The following SCAI variants were observed in gnomAD, a reference collection of about 807,000 sequenced individuals.
SCAI encodes the protein suppressor of cancer cell invasion.
In SCAI, 24 loss-of-function variants were observed where a neutral mutation model predicts 92.2. The observed-to-expected ratio is 0.26, with a 90% CI of 0.19 to 0.37. The LOEUF (loss-of-function observed/expected upper bound fraction) is 0.37, where lower values mean the gene tolerates loss of function less well. Ranked by LOEUF, SCAI falls within the 10% of genes least tolerant of loss-of-function variation. SCAI has a pLI of 1.00. For synonymous variants in SCAI, 261 were observed against 258.6 expected, an observed-to-expected ratio of 1.01 and a Z score of -0.09; for missense variants, 450 against 736.2, an observed-to-expected ratio of 0.61 and a Z score of 4.50.
At chr9:124,968,539 C>A in intron 17 of SCAI, 1 of 877,074 alleles carries the variant, frequency 1.1e-6, no homozygotes, top group Non-Finnish European at 2.0e-6. Flanking sequence ...GTTAAGACAC[C>A]ACTCCCAAAG....
At chr9:125,086,532 G>A (rs1238684369) in intron 2 of SCAI, among the ~76,000 whole-genome samples, 5 of 152,166 alleles carry the variant, frequency 3.3e-5, no homozygotes, top group Admixed American at 6.5e-5. Flanking sequence ...GACTATAATC[G>A]GATTGGCCTA....
chr9:125,034,643 G>T (rs1461497150), intron 3 of SCAI, among the ~76,000 whole-genome samples: 1 of 152,194 alleles, frequency 6.6e-6, no homozygotes, highest in East Asian at 1.9e-4. Flanking sequence ...CAGCTATTCA[G>T]GAGGCTGAGA....
intron 3 of SCAI, among the ~76,000 whole-genome samples, chr9:125,043,006 T>C (rs1364441981): frequency 6.6e-6 from 1 of 151,346 alleles, no homozygotes; most frequent in Non-Finnish European, 1.5e-5. Flanking sequence ...GCTGGGATTA[T>C]GGGCATTTGC....
intron 9 of SCAI, among the ~76,000 whole-genome samples, chr9:125,016,671 G>A (rs907415390): frequency 6.6e-6 from 1 of 152,052 alleles, no homozygotes; most frequent in African/African-American, 2.4e-5. Context: ...CAGTGTGGCA[G>A]GGAAAAGATG....
chr9:125,095,611 T>G (rs890974008), intron 2 of SCAI, among the ~76,000 whole-genome samples: 9 of 152,222 alleles, frequency 5.9e-5, no homozygotes, highest in South Asian at 2.1e-4. Context: ...GGTATGGCCA[T>G]GGAACTAAAT....
intron 9 of SCAI, among the ~76,000 whole-genome samples, chr9:125,014,396 CAGAG>C (rs566902079): frequency 6.6e-6 from 1 of 152,104 alleles, no homozygotes; most frequent in Admixed American, 6.6e-5. Context: ...AACAGAGAAA[CAGAG>C]AGCCAAATCA....
intron 2 of SCAI, among the ~76,000 whole-genome samples, chr9:125,114,808 C>T (rs1345436330): frequency 2.2e-5 from 3 of 133,342 alleles, no homozygotes; most frequent in Non-Finnish European, 4.6e-5. Flanking sequence ...GAGTCTTGCT[C>T]TGTTGCCCAG....
chr9:125,037,095 C>A (rs551857951), intron 3 of SCAI, among the ~76,000 whole-genome samples: 5 of 152,148 alleles, frequency 3.3e-5, no homozygotes, highest in African/African-American at 1.2e-4. Flanking sequence ...ATGGTGAAAC[C>A]CTGTCTCTAC....
chr9:124,953,755 C>CT (rs1831270860), intron 17 of SCAI, among the ~76,000 whole-genome samples: 1 of 152,046 alleles, frequency 6.6e-6, no homozygotes, highest in Non-Finnish European at 1.5e-5. Context: ...AACTATAATC[C>CT]TGCCATACAT....
chr9:125,094,016 A>C (rs747216814), intron 2 of SCAI, among the ~76,000 whole-genome samples: 12 of 150,874 alleles, frequency 8.0e-5, no homozygotes, highest in Non-Finnish European at 1.6e-4. Context: ...TCACCCCAAA[A>C]ACCTACTCTA....
intron 13 of SCAI, among the ~76,000 whole-genome samples, chr9:124,995,484 A>G (rs1001522350): frequency 3.9e-5 from 6 of 151,952 alleles, no homozygotes; most frequent in African/African-American, 9.7e-5. Flanking sequence ...TCTTTTTACT[A>G]TCACTATTTT....
At chr9:124,970,115 G>A (rs1371322434) in intron 17 of SCAI, among the ~76,000 whole-genome samples, 1 of 152,066 alleles carries the variant, frequency 6.6e-6, no homozygotes, top group Non-Finnish European at 1.5e-5. Flanking sequence ...GCCTCCCAAA[G>A]TGCTGGGATT....
At chr9:124,956,206 A>C (rs1831312911) in intron 17 of SCAI, among the ~76,000 whole-genome samples, 1 of 152,114 alleles carries the variant, frequency 6.6e-6, no homozygotes, top group Non-Finnish European at 1.5e-5. Flanking sequence ...TAGCTATGCA[A>C]GGTTGATTTA....
intron 9 of SCAI, among the ~76,000 whole-genome samples, chr9:125,010,848 C>T (rs375186297): frequency 7.9e-5 from 12 of 152,188 alleles, no homozygotes; most frequent in African/African-American, 2.9e-4. Context: ...TCCAGGGGAA[C>T]ATCAGACAGC....
rs540412031 is a variant in SCAI at position 125,139,827 on chromosome 9, G to T, written c.98+2806C>A. Among the ~76,000 whole-genome samples the T allele has an allele frequency of 2.0e-5, 3 of 152,284 alleles. No individual in the cohort carries two copies. In the East Asian group the frequency reaches 5.8e-4, roughly 29 times the overall value. On this transcript the variant is annotated intron_variant, in intron 2 of 17. Transcript: ENST00000336505. ...GGCTACTGAAGAGTCTGGCAGTGGG[G>T]TAATGAGAGTTAAATGAGAGCTATC...
At chr9:125,050,407 A>C (rs986839858) in intron 3 of SCAI, among the ~76,000 whole-genome samples, 4 of 152,152 alleles carry the variant, frequency 2.6e-5, no homozygotes, top group Non-Finnish European at 2.9e-5. Flanking sequence ...TGATTAACAA[A>C]ACTCAAAGAT....
chr9:125,070,684 C>G (rs1006524691), intron 2 of SCAI, among the ~76,000 whole-genome samples: 12 of 152,250 alleles, frequency 7.9e-5, no homozygotes, highest in Non-Finnish European at 1.5e-4. Context: ...CAAGCATGAG[C>G]CACCACACCA....
chr9:124,975,706 G>T (rs1317132524), intron 15 of SCAI, among the ~76,000 whole-genome samples: 1 of 152,186 alleles, frequency 6.6e-6, no homozygotes, highest in African/African-American at 2.4e-5. Flanking sequence ...CATAGACTGA[G>T]AAGTTTCCTA....
chr9:124,993,504 C>T (rs1197391441), intron 14 of SCAI, among the ~76,000 whole-genome samples: 1 of 152,118 alleles, frequency 6.6e-6, no homozygotes, highest in Non-Finnish European at 1.5e-5. Context: ...GCAGGAGAAT[C>T]GCTTGAACCT....
Sources: allele counts gnomAD v4.1 joint callset (sites outside exome capture counted in the v4.1 genomes callset), GRCh38; gene constraint gnomAD v4.1.1; transcripts MANE v1.5; gene names NCBI Gene and HGNC (gene_info 2026-07-23, HGNC 2026-07-21).